GTSE1: variants seen among roughly 807,000 people sequenced by gnomAD.
GTSE1 encodes G2 and S phase-expressed protein 1.
Under a neutral mutation model 60.5 loss-of-function variants are expected in GTSE1, and 52 were observed. That is an observed-to-expected ratio of 0.86 (90% CI 0.69 to 1.08). The LOEUF (loss-of-function observed/expected upper bound fraction) is 1.08. Among genes scored for constraint, GTSE1 ranks in the 50% least tolerant of loss-of-function variants. The pLI is 0.00. For missense variants in GTSE1, 937 were observed against 961.8 expected, an observed-to-expected ratio of 0.97 and a Z score of 0.34; for synonymous variants, 368 against 386.5, an observed-to-expected ratio of 0.95 and a Z score of 0.56.
chr22:46,326,490 C>A lies in GTSE1; in HGVS notation c.1560C>A (p.Ser520Arg). 1 of 1,613,896 alleles carries A rather than the reference C, an allele frequency of 6.2e-7. No homozygotes were observed. Among genetic ancestry groups the A allele is most frequent in the Non-Finnish European group, 8.5e-7 (1 of 1,179,774 alleles). Residue 520 changes from serine to arginine, a missense_variant, in exon 9 of 12, where the codon AGC becomes AGA. By Grantham distance (110) the Ser-to-Arg change is moderately radical (BLOSUM62 -1). Transcript: ENST00000454366. ...VRRSSGPAPQ[S>R]LLSAWRVSAL... ...GCTCATCTGGGCCAGCACCACAAAG[C>A]CTGCTGAGCGCATGGCGTGTGTCAG... is the stretch of plus-strand genomic sequence containing the variant.
chr22:46,328,818 T>G lies in GTSE1; in HGVS notation c.1855T>G (p.Phe619Val), dbSNP rs774364294. 1 of 1,614,120 alleles carries G rather than the reference T, an allele frequency of 6.2e-7. No homozygotes were observed. Among genetic ancestry groups the G allele is most frequent in the Non-Finnish European group, 8.5e-7 (1 of 1,180,012 alleles). The stretch of plus-strand genomic sequence containing the variant: ...TTCTCCAGAGGAAAGCGATTCTACT[T>G]TCTCCAAAAGTACTGCCACAGAAGT... ...NFSPEESDST[F>V]SKSTATEVAR... The change falls in exon 10 of 12, where the codon TTC becomes GTC. Residue 619 changes from phenylalanine to valine, a missense_variant. Coordinates refer to ENST00000454366, the MANE Select transcript of GTSE1 (RefSeq NM_016426.7).
rs1296388555 is a variant in GTSE1 at position 46,320,353 on chromosome 22, C to G, written c.1433-2837C>G. 6.6e-6 allele frequency among the ~76,000 whole-genome samples: 1 copy of G among 152,220 alleles called. No individual in the cohort carries two copies. The highest frequency in any genetic ancestry group is 2.4e-5 in the African/African-American group (1 of 41,454). On this transcript the variant is annotated intron_variant, in intron 7 of 11. Transcript: ENST00000454366. This position sits in a 1 kb window ranked among gnomAD's most constrained non-coding sequence, Gnocchi z 7.1. ...TCCACAATGCTGGGAACAGGACTGT[C>G]TCTTGCACGCCTTTGGTCATTCATC...
intron 2 of GTSE1, among the ~76,000 whole-genome samples, chr22:46,299,276 C>T (rs1354674923): frequency 6.6e-6 from 1 of 152,258 alleles, no homozygotes; most frequent in African/African-American, 2.4e-5. Context: ...TTTGTGCTTT[C>T]GCCCTCAGGG....
rs1012683069 is a variant in GTSE1 at position 46,308,894 on chromosome 22, C to G, written c.713C>G (p.Pro238Arg). The G allele has an allele frequency of 5.0e-6, 8 of 1,613,040 alleles. No individual in the cohort carries two copies. In the African/African-American group the frequency reaches 9.3e-5, roughly 19 times the overall value. Reference protein sequence around the residue: ...QRKPGTKLLLPRAASVRGRSI... With the variant: ...QRKPGTKLLLRRAASVRGRSI... ...AAGCCCGGGACCAAATTGCTGCTGC[C>G]TCGAGCGGCCTCTGTTAGAGGAAGA... Residue 238 changes from proline (P) to arginine (R), a missense_variant, in exon 4 of 12, where the codon CCT (proline) becomes CGT (arginine). Pro to Arg is a moderately radical substitution (Grantham distance 103, BLOSUM62 -2). Transcript: ENST00000454366.
intron 9 of GTSE1, among the ~76,000 whole-genome samples, 165 bp from the exon 10 acceptor site, chr22:46,328,523 G>C (rs1396489494): frequency 6.6e-6 from 1 of 152,222 alleles, no homozygotes; most frequent in Non-Finnish European, 1.5e-5. Flanking sequence ...AGATCACTGA[G>C]CCCCTTCCAT....
chr22:46,309,035 T>C lies in GTSE1; in HGVS notation c.762+92T>C. The C allele has an allele frequency of 7.2e-7, 1 of 1,398,368 alleles. No individual in the cohort carries two copies. Among genetic ancestry groups the C allele is most frequent in the South Asian group, 1.4e-5 (1 of 71,706 alleles). 86.6% of individuals were successfully genotyped at this position (1,398,368 alleles called of 1,614,324 possible). On this transcript the variant is annotated intron_variant, in intron 4 of 11. Coordinates refer to ENST00000454366, the MANE Select transcript of GTSE1 (RefSeq NM_016426.7). This position sits in a 1 kb window ranked among gnomAD's most constrained non-coding sequence, Gnocchi z 6.2. The stretch of plus-strand genomic sequence containing the variant: ...AGCCACATGCGGAAAGCCTCAGAGG[T>C]GGCGAGTCTCTGAGGCCTACAAAAC...
In GTSE1 at chr22:46,329,779, T is replaced by G. The variant is rs2077865598; in HGVS notation, c.2136+212T>G. On this transcript the variant is annotated intron_variant, in intron 11 of 11. Coordinates refer to ENST00000454366, the MANE Select transcript of GTSE1 (RefSeq NM_016426.7). The surrounding 1 kb of genome is among the most constrained non-coding windows in gnomAD (Gnocchi z 6.4). ...CCTGCCAGGACCCTGCCAGCTCTTG[T>G]TGGACAGGGACCGCCTCTCTCCTGC... 6.6e-6 allele frequency among the ~76,000 whole-genome samples: 1 copy of G among 152,208 alleles called. No individual in the cohort carries two copies. Among genetic ancestry groups the G allele is most frequent in the African/African-American group, 2.4e-5 (1 of 41,458 alleles).
chr22:46,326,135 T>C (rs556857808), intron 8 of GTSE1, among the ~76,000 whole-genome samples: 1 of 152,396 alleles, frequency 6.6e-6, no homozygotes, highest in South Asian at 2.1e-4. Flanking sequence ...TGACATTTAA[T>C]GGTAGCATCC....
intron 2 of GTSE1, among the ~76,000 whole-genome samples, chr22:46,303,804 A>G (rs559565623): frequency 1.3e-5 from 2 of 152,210 alleles, no homozygotes; most frequent in South Asian, 4.2e-4. Context: ...TGAAATGGGA[A>G]TGTTGTCGTG....
Position 46,310,431 on chromosome 22 carries a change from G to T in GTSE1, c.762+1488G>T, listed in dbSNP as rs1353114537. ...GCTCCTCAAAAAAATAAATGTAGAG[G>T]GTCCCATGGGACCCAGCAATTCCAC... On this transcript the variant is annotated intron_variant, in intron 4 of 11. Transcript: ENST00000454366. This position sits in a 1 kb window ranked among gnomAD's most constrained non-coding sequence, Gnocchi z 4.4. Among the ~76,000 whole-genome samples, 4 of 152,000 alleles carry T rather than the reference G, an allele frequency of 2.6e-5. No individual in the cohort carries two copies. Among genetic ancestry groups the T allele is most frequent in the African/African-American group, 9.7e-5 (4 of 41,364 alleles).
Position 46,316,507 on chromosome 22 carries a change from TTA to T in GTSE1, c.1432+96_1432+97del. 1.1e-6 allele frequency: 1 copy of T among 920,724 alleles called. No individual in the cohort carries two copies. Among genetic ancestry groups the T allele is most frequent in the Non-Finnish European group, 1.7e-6 (1 of 599,584 alleles). 57.0% of individuals were successfully genotyped at this position (920,724 alleles called of 1,614,324 possible). On this transcript the variant is annotated intron_variant, in intron 7 of 11. Transcript: ENST00000454366. The surrounding 1 kb of genome is among the most constrained non-coding windows in gnomAD (Gnocchi z 5.0). ...ATTATTGATGGCATTGATGGTGTTT[TTA>T]GTTCTTTCCTCCAACAGTGCTTTCA...
rs528777495 is a variant in GTSE1 at position 46,321,567 on chromosome 22, G to C, written c.1433-1623G>C. The stretch of plus-strand genomic sequence containing the variant: ...GGGCGGTGGGGAGGTGTGAGGGGCA[G>C]ATTCTTAACTCTTGTAACAAACGGA... On this transcript the variant is annotated intron_variant, in intron 7 of 11. Transcript: ENST00000454366. This position sits in a 1 kb window ranked among gnomAD's most constrained non-coding sequence, Gnocchi z 4.0. Among the ~76,000 whole-genome samples, 2 of 152,312 alleles carry C rather than the reference G, an allele frequency of 1.3e-5. No homozygotes were observed. The highest frequency in any genetic ancestry group is 4.8e-5 in the African/African-American group (2 of 41,574).
intron 5 of GTSE1, 100 bp downstream of exon 5, chr22:46,312,405 C>G: frequency 8.5e-7 from 1 of 1,175,808 alleles, no homozygotes; most frequent in Admixed American, 2.5e-5. Context: ...TTTGGGAGGC[C>G]AAGGTGGGAG....
At chr22:46,315,957 A>G in intron 6 of GTSE1, 75 bp from the exon 7 acceptor site, 1 of 1,155,162 alleles carries the variant, frequency 8.7e-7, no homozygotes, top group Non-Finnish European at 1.2e-6. Context: ...TGCTAAAGAC[A>G]GCATAACTTC....
Position 46,301,953 on chromosome 22 carries a change from AC to A in GTSE1, c.79+4478del, listed in dbSNP as rs1349965943. ...AGACCAGCCTGACCAACATGCAGAA[AC>A]CCCGTCTCTACTAAAAATACAAAAT... On this transcript the variant is annotated intron_variant, in intron 2 of 11. Coordinates refer to ENST00000454366, the MANE Select transcript of GTSE1 (RefSeq NM_016426.7). Among the ~76,000 whole-genome samples the A allele has an allele frequency of 2.3e-4, 34 of 150,920 alleles. No homozygotes were observed. The South Asian group carries it at 6.9e-3, about 31-fold the overall frequency.
chr22:46,323,565 C>A (rs1034133805), intron 8 of GTSE1, among the ~76,000 whole-genome samples: 6 of 152,226 alleles, frequency 3.9e-5, no homozygotes, highest in African/African-American at 1.4e-4. Flanking sequence ...CCCAGCCCAC[C>A]CCAGGGGTTC....
In GTSE1 at chr22:46,309,254, C is replaced by G. The variant is rs555545209; in HGVS notation, c.762+311C>G. On this transcript the variant is annotated intron_variant, in intron 4 of 11. Coordinates refer to ENST00000454366, the MANE Select transcript of GTSE1 (RefSeq NM_016426.7). This position sits in a 1 kb window ranked among gnomAD's most constrained non-coding sequence, Gnocchi z 6.2. ...AATAAGCAACCTCTTCCAAAAACTC[C>G]CCTCCTCTGCAATGGCTGCTAGTCA... is the stretch of plus-strand genomic sequence containing the variant. Among the ~76,000 whole-genome samples the G allele has an allele frequency of 4.1e-4, 62 of 152,342 alleles. No homozygotes were observed. Among genetic ancestry groups the G allele is most frequent in the African/African-American group, 1.5e-3 (62 of 41,580 alleles).
Position 46,329,785 on chromosome 22 carries a change from A to G in GTSE1, c.2136+218A>G, listed in dbSNP as rs2077865631. 6.6e-6 allele frequency among the ~76,000 whole-genome samples: 1 copy of G among 152,200 alleles called. No individual in the cohort carries two copies. Among genetic ancestry groups the G allele is most frequent in the Non-Finnish European group, 1.5e-5 (1 of 68,006 alleles). ...AGGACCCTGCCAGCTCTTGTTGGAC[A>G]GGGACCGCCTCTCTCCTGCCCATAG... On this transcript the variant is annotated intron_variant, in intron 11 of 11. Transcript: ENST00000454366. This position sits in a 1 kb window ranked among gnomAD's most constrained non-coding sequence, Gnocchi z 6.4.
In GTSE1 at chr22:46,328,581, G is replaced by T. The variant is rs1031237203; in HGVS notation, c.1725-107G>T. 7.4e-6 allele frequency: 6 copies of T among 806,752 alleles called. No individual in the cohort carries two copies. In the South Asian group the frequency reaches 9.6e-5, roughly 13 times the overall value. The allele number at this position is 806,752 out of a possible 1,614,324, so 50.0% of individuals were successfully genotyped here. On this transcript the variant is annotated intron_variant, in intron 9 of 11. Coordinates refer to ENST00000454366, the MANE Select transcript of GTSE1 (RefSeq NM_016426.7). ...AGGGTGAAGGCCCTAGAGCCGGGACGCACTCCACCCAGGACACTGTTCCTC... is the reference window on the plus strand; with the variant it reads ...AGGGTGAAGGCCCTAGAGCCGGGACTCACTCCACCCAGGACACTGTTCCTC...
Sources: allele counts gnomAD v4.1 joint callset (sites outside exome capture counted in the v4.1 genomes callset), GRCh38; gene constraint gnomAD v4.1.1; non-coding constraint Gnocchi (gnomAD v3.1); transcripts MANE v1.5; gene names NCBI Gene and HGNC (gene_info 2026-07-23, HGNC 2026-07-21).